The following COBLL1 variants were observed in gnomAD, a reference collection of about 807,000 sequenced individuals.
COBLL1 encodes the protein cordon-bleu WH2 repeat protein like 1.
COBLL1 carries 50 observed loss-of-function variants against 94.8 expected under a neutral mutation model. The ratio of observed to expected loss-of-function variants is 0.53; its 90% CI spans 0.42 to 0.67. The LOEUF is 0.67. COBLL1 is among the 30% of genes least tolerant of loss of function. COBLL1 has a pLI of 0.00. For synonymous variants in COBLL1, 448 were observed against 473.8 expected (o/e 0.95, Z 0.71); for missense variants, 1,362 against 1,348.7 (o/e 1.01, Z -0.15).
chr2:164,808,241 T>TA (rs1179687717), intron 2 of COBLL1, among the ~76,000 whole-genome samples: 1 of 152,244 alleles, frequency 6.6e-6, no homozygotes, highest in Non-Finnish European at 1.5e-5. Context: ...CCTTCCTTAA[T>TA]AAGCACATTT....
chr2:164,714,568 C>T (rs1299905273), intron 7 of COBLL1, among the ~76,000 whole-genome samples: 1 of 152,024 alleles, frequency 6.6e-6, no homozygotes, highest in African/African-American at 2.4e-5. Context: ...AGTGAAGCTA[C>T]AGTCAATCAA....
At chr2:164,829,713 ATC>A (rs940611327) in intron 2 of COBLL1, among the ~76,000 whole-genome samples, 2 of 152,212 alleles carry the variant, frequency 1.3e-5, no homozygotes, top group Admixed American at 6.5e-5. Context: ...ATTACCCCAA[ATC>A]TCCCAGATTT....
chr2:164,757,027 C>T (rs2105604584), intron 2 of COBLL1, among the ~76,000 whole-genome samples: 1 of 152,182 alleles, frequency 6.6e-6, no homozygotes, highest in East Asian at 1.9e-4. Context: ...AATGGACCCA[C>T]CTACATTTAA....
intron 2 of COBLL1, among the ~76,000 whole-genome samples, chr2:164,665,508 A>C (rs1691145450): frequency 6.6e-6 from 1 of 151,714 alleles, no homozygotes; most frequent in Non-Finnish European, 1.5e-5. Flanking sequence ...GTGAAATCTT[A>C]CTTCAAAAAG....
At chr2:164,672,559 C>T (rs555028940) in intron 1 of COBLL1, among the ~76,000 whole-genome samples, 18 of 151,548 alleles carry the variant, frequency 1.2e-4, no homozygotes, top group Non-Finnish European at 2.1e-4. Context: ...ATTAGCCGGG[C>T]GCGGTGGCGG....
intron 2 of COBLL1, among the ~76,000 whole-genome samples, chr2:164,760,533 T>C (rs184816034): frequency 6.6e-6 from 1 of 152,284 alleles, no homozygotes; most frequent in Non-Finnish European, 1.5e-5. Context: ...TCAACAAACA[T>C]AATGATTATA....
At chr2:164,761,583 T>C (rs1234430558) in intron 2 of COBLL1, 11 of 152,090 alleles carry the variant, frequency 7.2e-5, no homozygotes, top group Admixed American at 6.5e-4. Context: ...ATATCCTCAA[T>C]AAGACACAGG....
chr2:164,658,863 G>T (rs1444447715), intron 2 of COBLL1, among the ~76,000 whole-genome samples: 2 of 152,090 alleles, frequency 1.3e-5, no homozygotes, highest in Non-Finnish European at 2.9e-5. Flanking sequence ...CCATACTAGG[G>T]GTCCTTCTAT....
chr2:164,721,962 C>T, intron 7 of COBLL1, 113 bp downstream of exon 7: 1 of 712,426 alleles, frequency 1.4e-6, no homozygotes, highest in Non-Finnish European at 2.3e-6. Context: ...TAATTACCAA[C>T]TGTTATAGGA....
At position 164,730,061 on chromosome 2, in the gene COBLL1, T is replaced by C. The variant is rs370276319; in HGVS notation, c.285A>G (p.Pro95=). Residue 95 remains proline (P), a synonymous_variant, in exon 4 of 14, where the codon CCA becomes CCG. Coordinates refer to ENST00000652658, the MANE Select transcript of COBLL1 (RefSeq NM_001365672.2). Reference sequence around the variant, plus strand: ...ACAACAGATCGATTGTGTAACTTGATGGATTTAAGTGATACTGTGCACAAA... The same window carrying C: ...ACAACAGATCGATTGTGTAACTTGACGGATTTAAGTGATACTGTGCACAAA... ...IFLCAQYHLN[P]SSYTIDLLSA... 14 of 1,613,992 alleles carry C rather than the reference T, an allele frequency of 8.7e-6. No homozygotes were observed. The highest frequency in any genetic ancestry group is 1.7e-5 in the Admixed American group (1 of 60,006).
chr2:164,713,121 G>A (rs1304006048), intron 7 of COBLL1, among the ~76,000 whole-genome samples: 2 of 152,092 alleles, frequency 1.3e-5, no homozygotes, highest in East Asian at 3.9e-4. Context: ...TCTTTGGATG[G>A]CACTTCCTCC....
At chr2:164,841,960 G>T (rs1310961999), upstream of COBLL1, 6 of 1,537,752 alleles carry the variant, frequency 3.9e-6, no homozygotes, top group East Asian at 1.2e-4. The surrounding 1 kb of genome is among the most constrained non-coding windows in gnomAD (Gnocchi z 5.5). Context: ...CACTCACCCT[G>T]CCCCATTTCC....
intron 2 of COBLL1, among the ~76,000 whole-genome samples, chr2:164,778,710 A>G (rs2105269317): frequency 6.6e-6 from 1 of 152,336 alleles, no homozygotes; most frequent in African/African-American, 2.4e-5. Flanking sequence ...AGATATCATT[A>G]TAATGAAAAT....
intron 3 of COBLL1, among the ~76,000 whole-genome samples, chr2:164,731,242 A>C (rs1424351742): frequency 1.3e-5 from 2 of 152,218 alleles, no homozygotes; most frequent in Non-Finnish European, 2.9e-5. Context: ...AACGCTTATC[A>C]GCTCTTGTGC....
chr2:164,741,769 G>A (rs1686609873), intron 3 of COBLL1, among the ~76,000 whole-genome samples: 2 of 152,080 alleles, frequency 1.3e-5, no homozygotes, highest in South Asian at 4.1e-4. Flanking sequence ...GTGCTTGTAA[G>A]TACAAATGTA....
chr2:164,700,524 T>C lies in COBLL1; in HGVS notation c.1458A>G (p.Gly486=). 1 of 1,597,734 alleles carries C rather than the reference T, an allele frequency of 6.3e-7. No individual in the cohort carries two copies. The highest frequency in any genetic ancestry group is 1.1e-5 in the South Asian group (1 of 90,712). The change falls in exon 10 of 14, where the codon GGA becomes GGG. Residue 486 remains glycine (G), a splice_region_variant and synonymous_variant. Coordinates refer to ENST00000652658, the MANE Select transcript of COBLL1 (RefSeq NM_001365672.2). ...ACTCCAGCACAGAGACTACTTACTG[T>C]CCATCTGTGCTTTTAGTTTCTTGTT... ...EEKQETKSTD[G]QEPHSVVYDT...
At chr2:164,807,954 G>A (rs1054559346) in intron 2 of COBLL1, among the ~76,000 whole-genome samples, 9 of 151,952 alleles carry the variant, frequency 5.9e-5, no homozygotes, top group Non-Finnish European at 1.0e-4. Context: ...CGAGTAGCTG[G>A]GACTACAGGC....
rs750021681 is a variant in COBLL1, at chr2:164,695,410, C to T, written c.1982G>A (p.Gly661Asp). ...ATCTTCTGAATGTATAATTAGGGTGCCTTGACTCCTGAATTCCCTTGAGGT... is the reference window on the plus strand; with the variant it reads ...ATCTTCTGAATGTATAATTAGGGTGTCTTGACTCCTGAATTCCCTTGAGGT... ...VNTSREFRSQ[G>D]TLIIHSEDPL... The change falls in exon 12 of 14, where the codon GGC (glycine) becomes GAC (aspartate). Residue 661 changes from glycine (G) to aspartate (D), a missense_variant. Gly to Asp is a moderately conservative substitution (Grantham distance 94, BLOSUM62 -1). Transcript: ENST00000652658. 2.5e-6 allele frequency: 4 copies of T among 1,613,606 alleles called. No individual in the cohort carries two copies. The highest frequency in any genetic ancestry group is 2.7e-5 in the African/African-American group (2 of 74,854).
At chr2:164,672,731 G>GAAAAAA (rs1691265926) in intron 1 of COBLL1, among the ~76,000 whole-genome samples, 4 of 120,118 alleles carry the variant, frequency 3.3e-5, no homozygotes, top group African/African-American at 1.4e-4. Flanking sequence ...AAAAAAAAAT[G>GAAAAAA]ACTTTGTAAA....
Sources: allele counts gnomAD v4.1 joint callset (sites outside exome capture counted in the v4.1 genomes callset), GRCh38; gene constraint gnomAD v4.1.1; non-coding constraint Gnocchi (gnomAD v3.1); transcripts MANE v1.5; gene names NCBI Gene and HGNC (gene_info 2026-07-23, HGNC 2026-07-21).